The following MICAL2 variants were observed in gnomAD, a reference collection of about 807,000 sequenced individuals.
The protein encoded by MICAL2 is microtubule associated monooxygenase, calponin and LIM domain containing 2.
MICAL2 carries 77 observed loss-of-function variants against 127.3 expected under a neutral mutation model. The observed-to-expected ratio is 0.60, with a 90% confidence interval of 0.50 to 0.73. The LOEUF (loss-of-function observed/expected upper bound fraction) is 0.73. Among genes scored for constraint, MICAL2 ranks in the 30% least tolerant of loss-of-function variants. The pLI, the probability that MICAL2 is intolerant of heterozygous loss-of-function variation, is 0.00. For synonymous variants in MICAL2, 570 were observed against 551.1 expected (o/e 1.03, Z -0.48); for missense variants, 1,351 against 1,434.4 (o/e 0.94, Z 0.94).
At chr11:12,340,474 G>A (rs1454743273) in intron 32 of MICAL2, among the ~76,000 whole-genome samples, 1 of 152,078 alleles carries the variant, frequency 6.6e-6, no homozygotes, top group Non-Finnish European at 1.5e-5. Context: ...AAAACAATTG[G>A]GCTTTAGGCT....
intron 3 of MICAL2, among the ~76,000 whole-genome samples, chr11:12,199,776 T>C (rs1860441145): frequency 2.0e-5 from 3 of 152,218 alleles, no homozygotes; most frequent in Non-Finnish European, 4.4e-5. Flanking sequence ...GATTTTTCCA[T>C]GAGGCGTTTG....
intron 1 of MICAL2, among the ~76,000 whole-genome samples, chr11:12,119,031 T>C (rs1352066499): frequency 6.6e-6 from 1 of 152,176 alleles, no homozygotes; most frequent in Admixed American, 6.5e-5. Context: ...CAAGTTGAGT[T>C]GGCCCCACTA....
downstream of MICAL2, among the ~76,000 whole-genome samples, chr11:12,291,074 G>A (rs947324373): frequency 6.6e-6 from 1 of 152,196 alleles, no homozygotes; most frequent in Non-Finnish European, 1.5e-5. Flanking sequence ...CAGAAGCAGG[G>A]AGTTGAACAA....
chr11:12,221,265 A>C (rs1387281132), intron 9 of MICAL2, among the ~76,000 whole-genome samples: 1 of 151,968 alleles, frequency 6.6e-6, no homozygotes, highest in Admixed American at 6.5e-5. Flanking sequence ...TTTTCCAACC[A>C]CCATGCCTTT....
intron 1 of MICAL2, among the ~76,000 whole-genome samples, chr11:12,126,290 G>A (rs1228190502): frequency 6.6e-6 from 1 of 152,226 alleles, no homozygotes; most frequent in Non-Finnish European, 1.5e-5. Flanking sequence ...CAGTATTTAA[G>A]GAGATTGGAA....
At chr11:12,170,068 T>C (rs1360037393) in intron 3 of MICAL2, among the ~76,000 whole-genome samples, 1 of 152,144 alleles carries the variant, frequency 6.6e-6, no homozygotes, top group Admixed American at 6.5e-5. Flanking sequence ...CTGCCATCCT[T>C]GTAACAACAA....
intron 1 of MICAL2, among the ~76,000 whole-genome samples, chr11:12,116,453 G>A (rs144642791): frequency 3.4e-5 from 5 of 147,644 alleles, no homozygotes; most frequent in East Asian, 4.0e-4. Context: ...AAAGTTCCAC[G>A]CTCCAGTGGC....
At chr11:12,211,082 G>T (rs1460873448) in intron 6 of MICAL2, among the ~76,000 whole-genome samples, 7 of 152,162 alleles carry the variant, frequency 4.6e-5, no homozygotes, top group Admixed American at 4.6e-4. Context: ...CTATTGAATG[G>T]AAACCCAAGG....
chr11:12,181,252 C>A (rs759370119), intron 3 of MICAL2, among the ~76,000 whole-genome samples: 5 of 152,162 alleles, frequency 3.3e-5, no homozygotes, highest in African/African-American at 9.7e-5. Flanking sequence ...CCTATTCTTA[C>A]ATTTATTTTC....
chr11:12,199,775 A>G (rs917058705), intron 3 of MICAL2, among the ~76,000 whole-genome samples: 3 of 152,122 alleles, frequency 2.0e-5, no homozygotes, highest in Non-Finnish European at 2.9e-5. Context: ...TGATTTTTCC[A>G]TGAGGCGTTT....
At chr11:12,119,869 C>T (rs948505891) in intron 1 of MICAL2, among the ~76,000 whole-genome samples, 1 of 152,166 alleles carries the variant, frequency 6.6e-6, no homozygotes, top group Non-Finnish European at 1.5e-5. Flanking sequence ...AACTGACACT[C>T]GGATGCTTCC....
chr11:12,186,250 G>A (rs1478262321), intron 3 of MICAL2, among the ~76,000 whole-genome samples: 2 of 152,220 alleles, frequency 1.3e-5, no homozygotes, highest in Non-Finnish European at 2.9e-5. Flanking sequence ...ATGGCTTGGG[G>A]GAGTTTTTTT....
At chr11:12,308,060 AT>A (rs201971446) in intron 29 of MICAL2, 3,737 of 151,464 alleles carry the variant, frequency 0.025, 98 homozygotes, top group East Asian at 0.14. Flanking sequence ...TTAAAAAACA[AT>A]TTTTTTTTAA....
At chr11:12,272,894 C>T (rs1485676610), upstream of MICAL2, among the ~76,000 whole-genome samples, 1 of 152,218 alleles carries the variant, frequency 6.6e-6, no homozygotes, top group Non-Finnish European at 1.5e-5. Flanking sequence ...AGCCTCTGCT[C>T]ACGTCCCATC....
chr11:12,185,509 G>A (rs79028373), intron 3 of MICAL2, among the ~76,000 whole-genome samples: 4,865 of 152,080 alleles, frequency 0.032, 266 homozygotes, highest in African/African-American at 0.11. Flanking sequence ...TCTCAAAGCC[G>A]TCACTTGCTG....
At chr11:12,165,725 C>T (rs1028037331) in intron 3 of MICAL2, among the ~76,000 whole-genome samples, 3 of 152,174 alleles carry the variant, frequency 2.0e-5, no homozygotes, top group Non-Finnish European at 2.9e-5. Flanking sequence ...TGTATACACA[C>T]GTGCGTGTGA....
At chr11:12,354,732 G>T in intron 33 of MICAL2, 1 of 1,526,984 alleles carries the variant, frequency 6.5e-7, no homozygotes, top group East Asian at 2.3e-5. Flanking sequence ...ATTCATCAAT[G>T]TTTCCTCACA....
chr11:12,156,892 G>A, intron 2 of MICAL2, among the ~76,000 whole-genome samples: 2 of 152,360 alleles, frequency 1.3e-5, no homozygotes, highest in South Asian at 4.1e-4. Context: ...GAGTGTGGGG[G>A]GAACACCCCA....
intron 6 of MICAL2, among the ~76,000 whole-genome samples, chr11:12,210,788 A>G (rs1855352377): frequency 6.6e-6 from 1 of 152,198 alleles, no homozygotes; most frequent in African/African-American, 2.4e-5. Context: ...AAATGGGTAA[A>G]CTAGAGCAGG....
Sources: allele counts gnomAD v4.1 joint callset (sites outside exome capture counted in the v4.1 genomes callset), GRCh38; gene constraint gnomAD v4.1.1; transcripts MANE v1.5; gene names NCBI Gene and HGNC (gene_info 2026-07-23, HGNC 2026-07-21).